NXPE2: variants seen among roughly 807,000 people sequenced by gnomAD.
NXPE2 encodes NXPE family member 2.
In NXPE2, 34 loss-of-function variants were observed where a neutral mutation model predicts 34.4. That is an observed-to-expected ratio of 0.99 (90% CI 0.75 to 1.31). NXPE2 has a LOEUF of 1.31. NXPE2 is among the 40% of genes most tolerant of loss of function. NXPE2 has a pLI of 0.00. For synonymous variants in NXPE2, 235 were observed against 231.3 expected (o/e 1.02, Z -0.15); for missense variants, 649 against 672.5 (o/e 0.97, Z 0.39).
the NXPE2 span, among the ~76,000 whole-genome samples, chr11:114,796,483 A>G: frequency 5.3e-5 from 8 of 152,230 alleles, no homozygotes; most frequent in Non-Finnish European, 7.3e-5. Context: ...TGTAGAAGCT[A>G]CTGAGATAAA....
At chr11:114,800,429 A>G in the NXPE2 span, among the ~76,000 whole-genome samples, 1 of 152,220 alleles carries the variant, frequency 6.6e-6, no homozygotes, top group Non-Finnish European at 1.5e-5. Flanking sequence ...GACTCTTGAC[A>G]TTCTTTGATT....
chr11:114,736,315 T>A, the NXPE2 span, among the ~76,000 whole-genome samples: 1 of 152,158 alleles, frequency 6.6e-6, no homozygotes, highest in Admixed American at 6.5e-5. Context: ...ATTTCATCCC[T>A]ACAGGCTCGA....
chr11:114,523,452 G>A, the NXPE2 span, among the ~76,000 whole-genome samples: 2 of 152,010 alleles, frequency 1.3e-5, no homozygotes, highest in Non-Finnish European at 2.9e-5. Flanking sequence ...AGTTGGTGCC[G>A]CTGTATAAAA....
At chr11:114,749,042 G>A in the NXPE2 span, among the ~76,000 whole-genome samples, 1 of 152,078 alleles carries the variant, frequency 6.6e-6, no homozygotes, top group African/African-American at 2.4e-5. Context: ...TGTTTTCTAG[G>A]ACAAGACATT....
At chr11:114,776,091 C>A in the NXPE2 span, among the ~76,000 whole-genome samples, 1 of 152,212 alleles carries the variant, frequency 6.6e-6, no homozygotes, top group Non-Finnish European at 1.5e-5. Flanking sequence ...AAGGGAGGAT[C>A]TGCTAGGAGA....
At chr11:114,573,746 A>C in the NXPE2 span, among the ~76,000 whole-genome samples, 1 of 152,106 alleles carries the variant, frequency 6.6e-6, no homozygotes, top group African/African-American at 2.4e-5. Flanking sequence ...AAAATGAGAG[A>C]TGGCAATACA....
At chr11:114,601,724 T>TATATATGTTATCTATAACA in the NXPE2 span, among the ~76,000 whole-genome samples, 1 of 71,230 alleles carries the variant, frequency 1.4e-5, no homozygotes, top group Non-Finnish European at 2.4e-5. Context: ...TATATTATAA[T>TATATATGTTATCTATAACA]TATATATTAT....
At chr11:114,476,367 T>C in the NXPE2 span, among the ~76,000 whole-genome samples, 1 of 152,230 alleles carries the variant, frequency 6.6e-6, no homozygotes, top group Non-Finnish European at 1.5e-5. Flanking sequence ...ACATTTCTTC[T>C]TCTTTCTACC....
chr11:114,537,416 G>C, the NXPE2 span, among the ~76,000 whole-genome samples: 1 of 152,150 alleles, frequency 6.6e-6, no homozygotes, highest in Non-Finnish European at 1.5e-5. Context: ...ACATAGGGTT[G>C]GAAGTTCTGG....
intron 2 of NXPE2, among the ~76,000 whole-genome samples, chr11:114,695,652 T>C (rs1023320256): frequency 4.6e-5 from 7 of 152,074 alleles, no homozygotes; most frequent in Non-Finnish European, 7.4e-5. Context: ...TAAATATAAA[T>C]AGTCCAAACA....
chr11:114,623,568 G>A, the NXPE2 span, among the ~76,000 whole-genome samples: 4 of 152,034 alleles, frequency 2.6e-5, no homozygotes, highest in East Asian at 7.8e-4. Context: ...TGCCTCATGG[G>A]TAACCACTGT....
At chr11:114,610,468 C>T in the NXPE2 span, among the ~76,000 whole-genome samples, 2 of 151,716 alleles carry the variant, frequency 1.3e-5, no homozygotes, top group African/African-American at 4.8e-5. Flanking sequence ...AGTGTTGTTT[C>T]TAGGGTAACC....
chr11:114,594,282 T>G, the NXPE2 span, among the ~76,000 whole-genome samples: 3 of 152,128 alleles, frequency 2.0e-5, no homozygotes, highest in Admixed American at 1.3e-4. Context: ...TATCAAAATA[T>G]CTCATCTACC....
the NXPE2 span, among the ~76,000 whole-genome samples, chr11:114,788,546 G>C: frequency 6.6e-6 from 1 of 152,226 alleles, no homozygotes; most frequent in South Asian, 2.1e-4. Flanking sequence ...TCTTCCTAAA[G>C]ATATGGATGA....
At chr11:114,729,122 T>C in the NXPE2 span, among the ~76,000 whole-genome samples, 1 of 152,076 alleles carries the variant, frequency 6.6e-6, no homozygotes, top group Non-Finnish European at 1.5e-5. Flanking sequence ...TTTATGTCCA[T>C]GAGTACCCAA....
chr11:114,619,386 C>A, the NXPE2 span, among the ~76,000 whole-genome samples: 2 of 151,376 alleles, frequency 1.3e-5, no homozygotes, highest in African/African-American at 4.9e-5. Context: ...ACCTGGGTAA[C>A]CACTGTTACC....
chr11:114,619,092 C>A, the NXPE2 span, among the ~76,000 whole-genome samples: 1 of 151,908 alleles, frequency 6.6e-6, no homozygotes, highest in African/African-American at 2.4e-5. Flanking sequence ...TCATGGGTAA[C>A]CACTGTTGCA....
the NXPE2 span, among the ~76,000 whole-genome samples, chr11:114,775,813 G>A: frequency 6.6e-6 from 1 of 151,888 alleles, no homozygotes; most frequent in Non-Finnish European, 1.5e-5. Flanking sequence ...AGGTCAAAGG[G>A]TGGTAGATAC....
chr11:114,465,031 T>G, the NXPE2 span, among the ~76,000 whole-genome samples: 1 of 152,168 alleles, frequency 6.6e-6, no homozygotes. Flanking sequence ...AAATATAAAG[T>G]GTGATCATAC....
Sources: gnomAD v4.1 joint callset for allele counts (sites outside exome capture counted in the v4.1 genomes callset) on GRCh38, gnomAD v4.1.1 for gene constraint, MANE v1.5 for transcripts, NCBI Gene and HGNC (gene_info 2026-07-23, HGNC 2026-07-21) for gene names.